The following PRKN variants were observed in gnomAD, a reference collection of about 807,000 sequenced individuals.
The protein encoded by PRKN is parkin RBR E3 ubiquitin protein ligase, also known as E3 ubiquitin-protein ligase parkin.
Under a neutral mutation model 59.5 loss-of-function variants are expected in PRKN, and 56 were observed. That is an observed-to-expected ratio of 0.94 (90% confidence interval 0.76 to 1.18). The LOEUF is 1.18. PRKN is among the 50% of genes most tolerant of loss of function. The pLI is 0.00. For synonymous variants in PRKN, 250 were observed against 222.1 expected (o/e 1.13, Z -1.12); for missense variants, 657 against 596.4 (o/e 1.10, Z -1.06).
At chr6:161,564,728 TTCTC>T (rs373700280) in intron 8 of PRKN, among the ~76,000 whole-genome samples, 4 of 150,984 alleles carry the variant, frequency 2.6e-5, no homozygotes, top group African/African-American at 9.7e-5. Flanking sequence ...TGACATCCAT[TTCTC>T]TCTCTCTCTC....
intron 7 of PRKN, among the ~76,000 whole-genome samples, chr6:161,642,650 C>A (rs1783785933): frequency 6.6e-6 from 1 of 151,918 alleles, no homozygotes; most frequent in Non-Finnish European, 1.5e-5. Context: ...TACTAAGTAC[C>A]CACAAAAATT....
intron 4 of PRKN, among the ~76,000 whole-genome samples, chr6:162,183,021 A>G (rs758732933): frequency 3.9e-5 from 6 of 152,158 alleles, no homozygotes; most frequent in Admixed American, 2.0e-4. Flanking sequence ...ATGATAAAAA[A>G]GAATTTCTAT....
intron 5 of PRKN, among the ~76,000 whole-genome samples, chr6:161,994,616 G>A (rs2128259946): frequency 6.6e-6 from 1 of 151,978 alleles, no homozygotes; most frequent in Non-Finnish European, 1.5e-5. Flanking sequence ...ATACAGTAAA[G>A]TTGGAGGACA....
chr6:162,248,193 T>G (rs778651382), intron 3 of PRKN, among the ~76,000 whole-genome samples: 11 of 152,178 alleles, frequency 7.2e-5, no homozygotes, highest in Non-Finnish European at 1.5e-4. Context: ...TTTGTGTACA[T>G]GAAATGTTAT....
chr6:162,209,711 T>A (rs1251444543), intron 3 of PRKN, among the ~76,000 whole-genome samples: 1 of 152,170 alleles, frequency 6.6e-6, no homozygotes, highest in Non-Finnish European at 1.5e-5. Flanking sequence ...CCAACCCAAA[T>A]ATCCATCAAT....
At chr6:162,174,767 C>G (rs1562559270) in intron 4 of PRKN, among the ~76,000 whole-genome samples, 1 of 152,188 alleles carries the variant, frequency 6.6e-6, no homozygotes, top group Non-Finnish European at 1.5e-5. Flanking sequence ...TCATAGGAAA[C>G]ACATCCTAAT....
chr6:162,690,101 A>AATGTACTCCATTATTTAGC (rs1777720198), intron 1 of PRKN, among the ~76,000 whole-genome samples: 1 of 152,230 alleles, frequency 6.6e-6, no homozygotes, highest in Admixed American at 6.5e-5. Flanking sequence ...CATTATTTAG[A>AATGTACTCCATTATTTAGC]ATGTACTCCA....
chr6:162,709,717 A>C (rs1418820235), intron 1 of PRKN, among the ~76,000 whole-genome samples: 1 of 152,236 alleles, frequency 6.6e-6, no homozygotes, highest in Non-Finnish European at 1.5e-5. Flanking sequence ...TGTATGAGAA[A>C]CGATACACAT....
intron 1 of PRKN, among the ~76,000 whole-genome samples, chr6:162,675,077 T>C (rs1779484756): frequency 6.6e-6 from 1 of 152,014 alleles, no homozygotes; most frequent in Non-Finnish European, 1.5e-5. Flanking sequence ...AAACGGAGTC[T>C]GGCTCTGTTG....
At chr6:162,664,117 C>G (rs1779004323) in intron 1 of PRKN, among the ~76,000 whole-genome samples, 2 of 152,146 alleles carry the variant, frequency 1.3e-5, no homozygotes, top group Admixed American at 1.3e-4. Context: ...ATGTTCAACT[C>G]CCACCTATGA....
intron 7 of PRKN, among the ~76,000 whole-genome samples, chr6:161,612,106 G>A (rs1163611397): frequency 6.6e-6 from 1 of 152,166 alleles, no homozygotes; most frequent in African/African-American, 2.4e-5. Context: ...ACTATGAGAG[G>A]TTGGCTCATG....
At chr6:162,537,737 C>G (rs1221101369) in intron 1 of PRKN, among the ~76,000 whole-genome samples, 1 of 152,150 alleles carries the variant, frequency 6.6e-6, no homozygotes, top group African/African-American at 2.4e-5. Flanking sequence ...GTAGATGTTT[C>G]CTCTTTCCCA....
intron 1 of PRKN, among the ~76,000 whole-genome samples, chr6:162,576,813 A>C (rs1583838379): frequency 6.8e-6 from 1 of 146,584 alleles, no homozygotes; most frequent in African/African-American, 2.5e-5. Flanking sequence ...ACTCCGTCAA[A>C]AAAAAAAAAA....
At position 161,399,552 on chromosome 6, in the gene PRKN, G is replaced by A. The variant is rs777028529; in HGVS notation, c.1084-12675C>T. On this transcript the variant is annotated intron_variant, in intron 9 of 11. Coordinates refer to ENST00000366898, the MANE Select transcript of PRKN (RefSeq NM_004562.3). The surrounding 1 kb of genome is among the most constrained non-coding windows in gnomAD (Gnocchi z 4.4). ...CCTCCCATAAGGAGTTTGAGCAGTG[G>A]TGGTGGCTGAACTGATGAGCCATAT... Among the ~76,000 whole-genome samples, 1 of 152,178 alleles carries A rather than the reference G, an allele frequency of 6.6e-6. No homozygotes were observed. Among genetic ancestry groups the A allele is most frequent in the Non-Finnish European group, 1.5e-5 (1 of 68,046 alleles).
intron 1 of PRKN, among the ~76,000 whole-genome samples, chr6:162,620,958 T>A (rs1782638762): frequency 6.6e-6 from 1 of 152,244 alleles, no homozygotes. Flanking sequence ...AAGACACTGC[T>A]TTGATAGCTT....
intron 2 of PRKN, among the ~76,000 whole-genome samples, chr6:162,333,429 C>T (rs533977804): frequency 6.6e-6 from 1 of 152,218 alleles, no homozygotes; most frequent in African/African-American, 2.4e-5. Context: ...CACTTCATGT[C>T]TCTGCATCAC....
rs554182479 is a variant in PRKN, at chr6:161,557,123, C to T, written c.934-8120G>A. Among the ~76,000 whole-genome samples, 35 of 152,214 alleles carry T rather than the reference C, an allele frequency of 2.3e-4. No homozygotes were observed. In the South Asian group the frequency reaches 6.0e-3, roughly 26 times the overall value. On this transcript the variant is annotated intron_variant, in intron 8 of 11. Transcript: ENST00000366898. ...TAACTGTTTTTCTCCTGTATTTTAT[C>T]AGATTATAGCAAAAAATACATTTCA...
chr6:162,682,608 G>A (rs1192881686), intron 1 of PRKN, among the ~76,000 whole-genome samples: 1 of 152,066 alleles, frequency 6.6e-6, no homozygotes, highest in Non-Finnish European at 1.5e-5. Context: ...ACTTGAGGGT[G>A]GAGAGTGGGA....
chr6:161,841,093 T>C lies in PRKN; in HGVS notation c.735-55185A>G, dbSNP rs78354017. On this transcript the variant is annotated intron_variant, in intron 6 of 11. Coordinates refer to ENST00000366898, the MANE Select transcript of PRKN (RefSeq NM_004562.3). Reference sequence around the variant, plus strand: ...GTGTATACCAAAAGGAATATAAATCTTTCTATGACAAAGACACATGCATAT... The same window carrying C: ...GTGTATACCAAAAGGAATATAAATCCTTCTATGACAAAGACACATGCATAT... Among the ~76,000 whole-genome samples the C allele has an allele frequency of 5.3e-3, 808 of 152,300 alleles. 3 individuals carry two copies. Among genetic ancestry groups the C allele is most frequent in the African/African-American group, 0.018 (764 of 41,562 alleles).
Sources: allele counts gnomAD v4.1 joint callset (sites outside exome capture counted in the v4.1 genomes callset), GRCh38; gene constraint gnomAD v4.1.1; non-coding constraint Gnocchi (gnomAD v3.1); transcripts MANE v1.5; gene names NCBI Gene and HGNC (gene_info 2026-07-23, HGNC 2026-07-21).